Variants in IFI44L observed in about 807,000 individuals in gnomAD.
The protein encoded by IFI44L is interferon-induced protein 44-like.
In IFI44L, 40 loss-of-function variants were observed where a neutral mutation model predicts 39.3. The ratio of observed to expected loss-of-function variants is 1.02; its 90% confidence interval spans 0.79 to 1.33. The LOEUF is 1.33. IFI44L is among the 40% of genes most tolerant of loss of function. The pLI is 0.00. For synonymous variants in IFI44L, 198 were observed against 182.3 expected (o/e 1.09, Z -0.69); for missense variants, 623 against 549.0 (o/e 1.13, Z -1.35).
At chr1:78,628,618 CAG>C in intron 2 of IFI44L, 1 of 531,438 alleles carries the variant, frequency 1.9e-6, no homozygotes, top group East Asian at 3.1e-5. Flanking sequence ...AATATATGTG[CAG>C]AGATAGAGAT....
chr1:78,630,483 C>A (rs991451929), intron 4 of IFI44L, among the ~76,000 whole-genome samples: 1 of 152,052 alleles, frequency 6.6e-6, no homozygotes, highest in Non-Finnish European at 1.5e-5. Context: ...TAAAGAACTA[C>A]AAATTATGAT....
rs542610839 is a variant in IFI44L, at chr1:78,642,816, A to G, written c.*1007A>G. On this transcript the variant is annotated 3_prime_UTR_variant, in exon 9 of 9. Transcript: ENST00000370751. ...TCTAACAAACCCATGCTTGATTTTC[A>G]TTAATTGAATTCCAAATCATCCTAG... The G allele has an allele frequency of 3.3e-5, 5 of 152,264 alleles. No homozygotes were observed. Among genetic ancestry groups the G allele is most frequent in the Non-Finnish European group, 7.4e-5 (5 of 68,008 alleles). 9.4% of individuals were successfully genotyped at this position (152,264 alleles called of 1,614,324 possible).
rs1475068814 is a variant in IFI44L, at chr1:78,641,122, G to C, written c.1149+1G>C. 2 of 1,594,174 alleles carry C rather than the reference G, an allele frequency of 1.3e-6. No individual in the cohort carries two copies. Among genetic ancestry groups the C allele is most frequent in the Non-Finnish European group, 8.6e-7 (1 of 1,162,532 alleles). ...TAGATCTATGACTTCTCAAAGCCGGGTAAAAAATGCTGATCATAACCAGAT... is the reference window on the plus strand; with the variant it reads ...TAGATCTATGACTTCTCAAAGCCGGCTAAAAAATGCTGATCATAACCAGAT... On this transcript the variant is annotated splice_donor_variant, in intron 7 of 8. Transcript: ENST00000370751. LOFTEE classifies it high-confidence loss of function.
intron 5 of IFI44L, chr1:78,636,072 A>G (rs575440088): frequency 6.6e-6 from 1 of 152,256 alleles, no homozygotes; most frequent in African/African-American, 2.4e-5. Flanking sequence ...TTCTCAAAAA[A>G]GCCAACAATG....
rs748964490 is a variant in IFI44L, at chr1:78,641,626, C to T, written c.1324+17C>T. The T allele has an allele frequency of 5.6e-6, 9 of 1,612,652 alleles. No homozygotes were observed. In the East Asian group the frequency reaches 2.0e-4, roughly 36 times the overall value. ...AGGAAACTGGTAATCTGGCCCTTTT[C>T]TCCCCCTGTCATAGATCACTGGTGC... On this transcript the variant is annotated intron_variant, in intron 8 of 8. Coordinates refer to ENST00000370751, the MANE Select transcript of IFI44L (RefSeq NM_006820.4).
At chr1:78,635,835 G>T in intron 5 of IFI44L, 1 of 232,112 alleles carries the variant, frequency 4.3e-6, no homozygotes, top group South Asian at 6.4e-5. Flanking sequence ...ATTGGAACAA[G>T]TAACTATTTT....
intron 6 of IFI44L, 51 bp downstream of exon 6, chr1:78,637,254 T>C (rs1292090588): frequency 4.4e-6 from 6 of 1,351,756 alleles, no homozygotes; most frequent in Non-Finnish European, 5.1e-6. Flanking sequence ...AATTATAGAT[T>C]TGTAGGAAGT....
rs1449624293 is a variant in IFI44L, at chr1:78,641,054, A to G, written c.1082A>G (p.Asp361Gly). 20 of 1,612,580 alleles carry G rather than the reference A, an allele frequency of 1.2e-5. 1 individual carries two copies. Among genetic ancestry groups the G allele is most frequent in the Middle Eastern group, 3.3e-4 (2 of 6,042 alleles). ...TATGTGGCCTTGCTTACTAAAGTGG[A>G]TGATTGCAGTGAGGTTCTTCAAGAC... ...IAYVALLTKVDDCSEVLQDNF... is the reference protein window; with the variant it reads ...IAYVALLTKVGDCSEVLQDNF... The change falls in exon 7 of 9, where the codon GAT becomes GGT. Residue 361 changes from aspartate (D) to glycine (G), a missense_variant. Transcript: ENST00000370751.
In IFI44L at chr1:78,642,118, A is replaced by G. The variant is rs572933153; in HGVS notation, c.*309A>G. On this transcript the variant is annotated 3_prime_UTR_variant, in exon 9 of 9. Transcript: ENST00000370751. ...CTTCTATAACACTCTATATAGAGCT[A>G]TGTGAGTACTAATCACATTGAATAA... The G allele has an allele frequency of 2.5e-5, 11 of 432,072 alleles. No homozygotes were observed. The highest frequency in any genetic ancestry group is 2.0e-4 in the African/African-American group (10 of 50,488). 26.8% of individuals were successfully genotyped at this position (432,072 alleles called of 1,614,324 possible).
Position 78,643,160 on chromosome 1 carries a change from T to TTTTTTTTTTTTTTTTTTTTTTG in IFI44L, c.*1351_*1352insTTTTTTTTTTTTTTTTTTTTTG, listed in dbSNP as rs1367397714. The stretch of plus-strand genomic sequence containing the variant: ...AGATATTAAGAAAGCAAGAGTTTCT[T>TTTTTTTTTTTTTTTTTTTTTTG]ATGTCCAGTTATGGAATATTTCCTA... On this transcript the variant is annotated 3_prime_UTR_variant, in exon 9 of 9. Transcript: ENST00000370751. The TTTTTTTTTTTTTTTTTTTTTTG allele has an allele frequency of 6.6e-6, 1 of 151,868 alleles. No homozygotes were observed. The allele number at this position is 151,868 out of a possible 1,614,324, so 9.4% of individuals were successfully genotyped here.
rs190818684 is a variant in IFI44L, at chr1:78,638,365, A to G, written c.1048+1162A>G. Among the ~76,000 whole-genome samples the G allele has an allele frequency of 5.7e-4, 86 of 152,198 alleles. 1 individual carries two copies. Among genetic ancestry groups the G allele is most frequent in the Admixed American group, 5.6e-3 (85 of 15,258 alleles). ...CAATTGTCAGATACATTGTTTGCGG[A>G]TAGTTTCTCCCAGTCTGTAGTTGTC... On this transcript the variant is annotated intron_variant, in intron 6 of 8. Coordinates refer to ENST00000370751, the MANE Select transcript of IFI44L (RefSeq NM_006820.4).
rs536515319 is a variant in IFI44L, at chr1:78,636,884, T to C, written c.877-148T>C. ...CATTATGCTCACAGTGGAAAGGAAG[T>C]AAAGAGGAGGTGCTACTGTTTGGGG... On this transcript the variant is annotated intron_variant, in intron 5 of 8. Transcript: ENST00000370751. The C allele has an allele frequency of 2.9e-5, 17 of 585,438 alleles. No homozygotes were observed. In the South Asian group the frequency reaches 3.3e-4, roughly 11 times the overall value. The allele number at this position is 585,438 out of a possible 1,614,324, so 36.3% of individuals were successfully genotyped here. A position where few individuals can be genotyped will look rare whatever the true frequency, so the allele number is the denominator to read the frequency against.
intron 4 of IFI44L, among the ~76,000 whole-genome samples, chr1:78,631,116 T>C (rs778465557): frequency 6.6e-6 from 1 of 152,146 alleles, no homozygotes; most frequent in Non-Finnish European, 1.5e-5. Flanking sequence ...AAGATGTAGA[T>C]ACTGAACTCC....
At chr1:78,624,989 T>C (rs1164935507) in intron 1 of IFI44L, among the ~76,000 whole-genome samples, 1 of 152,148 alleles carries the variant, frequency 6.6e-6, no homozygotes, top group East Asian at 1.9e-4. Flanking sequence ...TTCTTAAGTC[T>C]AAGTGAGTTC....
In IFI44L at chr1:78,641,131, G is replaced by A; in HGVS notation, c.1149+10G>A. The A allele has an allele frequency of 6.4e-7, 1 of 1,555,888 alleles. No homozygotes were observed. The highest frequency in any genetic ancestry group is 8.9e-7 in the Non-Finnish European group (1 of 1,127,608). On this transcript the variant is annotated intron_variant, in intron 7 of 8. Transcript: ENST00000370751. ...GACTTCTCAAAGCCGGGTAAAAAAT[G>A]CTGATCATAACCAGATATTATTGTA...
intron 4 of IFI44L, among the ~76,000 whole-genome samples, chr1:78,631,018 G>T (rs1269369915): frequency 6.6e-6 from 1 of 152,034 alleles, no homozygotes; most frequent in African/African-American, 2.4e-5. Context: ...CATTCATTGT[G>T]ATATATGCTA....
intron 6 of IFI44L, among the ~76,000 whole-genome samples, chr1:78,638,960 T>C (rs547112258): frequency 1.3e-5 from 2 of 152,252 alleles, no homozygotes; most frequent in Admixed American, 6.6e-5. Context: ...GCAAACATAT[T>C]CTGATACTGG....
Position 78,623,396 on chromosome 1 carries a change from GTTTTTTTTTTTTTTTT to G in IFI44L, c.-11+2840_-11+2855del, listed in dbSNP as rs71078508. ...TCTACTCCTGGTTTAAGTGTTTTTT[GTTTTTTTTTTTTTTTT>G]TTTTTTTTTTTTTTAAATCATGGAA... On this transcript the variant is annotated intron_variant, in intron 1 of 8. Transcript: ENST00000370751. 1.2e-3 allele frequency among the ~76,000 whole-genome samples: 151 copies of G among 121,320 alleles called. 1 individual carries two copies. Among genetic ancestry groups the G allele is most frequent in the Non-Finnish European group, 1.5e-3 (94 of 61,304 alleles). The allele number at this position is 121,320 out of a possible 152,430, so 79.6% of individuals were successfully genotyped here.
intron 7 of IFI44L, 107 bp from the exon 8 acceptor site, chr1:78,641,328 T>C (rs1232583262): frequency 5.7e-6 from 6 of 1,044,140 alleles, no homozygotes; most frequent in Non-Finnish European, 8.4e-6. Context: ...CGAAGATAAC[T>C]TATTAAGCCA....
Sources: allele counts gnomAD v4.1 joint callset (sites outside exome capture counted in the v4.1 genomes callset), GRCh38; gene constraint gnomAD v4.1.1; transcripts MANE v1.5; gene names NCBI Gene and HGNC (gene_info 2026-07-23, HGNC 2026-07-21).